The following CFAP58 variants were observed in gnomAD, a reference collection of about 807,000 sequenced individuals.
The protein encoded by CFAP58 is cilia and flagella associated protein 58, also known as cilia- and flagella-associated protein 58.
Under a neutral mutation model 119.5 loss-of-function variants are expected in CFAP58, and 88 were observed. That is an observed-to-expected ratio of 0.74 (90% CI 0.62 to 0.88). CFAP58 has a LOEUF of 0.88. Among genes scored for constraint, CFAP58 ranks in the 40% least tolerant of loss-of-function variants. CFAP58 has a pLI of 0.00. For missense variants in CFAP58, 990 were observed against 1,021.2 expected (o/e 0.97, Z 0.42); for synonymous variants, 365 against 366.3 (o/e 1.00, Z 0.04).
chr10:104,400,723 G>A lies in CFAP58; in HGVS notation c.1859G>A (p.Arg620His), dbSNP rs181614354. 848 of 1,614,064 alleles carry A rather than the reference G, an allele frequency of 5.3e-4. 5 individuals carry two copies. The highest frequency in any genetic ancestry group is 2.2e-4 in the South Asian group (20 of 91,074). ...RDILGSQLVR[R>H]NDELALLYEK... ...ATCCTGGGGTCTCAGCTTGTTCGGCGCAATGATGAGTTAGCTTTGCTCTAT... is the reference window on the plus strand; with the variant it reads ...ATCCTGGGGTCTCAGCTTGTTCGGCACAATGATGAGTTAGCTTTGCTCTAT... Residue 620 changes from arginine (R) to histidine (H), a missense_variant, in exon 13 of 18, where the codon CGC becomes CAC. Arg to His is a conservative substitution (Grantham distance 29, BLOSUM62 0). Coordinates refer to ENST00000369704, the MANE Select transcript of CFAP58 (RefSeq NM_001008723.2).
At chr10:104,428,734 C>T (rs1272973956) in intron 15 of CFAP58, among the ~76,000 whole-genome samples, 2 of 152,170 alleles carry the variant, frequency 1.3e-5, no homozygotes, top group African/African-American at 4.8e-5. Context: ...TGTTGATTCA[C>T]ATGCACACAC....
rs562203588 is a variant in CFAP58, at chr10:104,430,376, A to G, written c.2257-17322A>G. On this transcript the variant is annotated intron_variant, in intron 15 of 17. Coordinates refer to ENST00000369704, the MANE Select transcript of CFAP58 (RefSeq NM_001008723.2). Reference sequence around the variant, plus strand: ...TGATCCAGTGATAGTCCACGGGGCAACAGAAACACTAGGAGCCTGACAACA... The same window carrying G: ...TGATCCAGTGATAGTCCACGGGGCAGCAGAAACACTAGGAGCCTGACAACA... 3.9e-5 allele frequency among the ~76,000 whole-genome samples: 6 copies of G among 152,350 alleles called. No homozygotes were observed. In the South Asian group the frequency reaches 1.2e-3, roughly 32 times the overall value.
intron 15 of CFAP58, among the ~76,000 whole-genome samples, chr10:104,445,256 G>C (rs2013095515): frequency 6.6e-6 from 1 of 151,160 alleles, no homozygotes; most frequent in African/African-American, 2.4e-5. Flanking sequence ...CCAGGAGGTT[G>C]AGGCTGCAGT....
the CFAP58 span, among the ~76,000 whole-genome samples, chr10:104,343,497 T>A: frequency 2.6e-5 from 4 of 152,352 alleles, no homozygotes; most frequent in African/African-American, 9.6e-5. Flanking sequence ...GTAGGAATCA[T>A]TAGATTCTAC....
At chr10:104,450,027 G>T (rs777913060) in intron 16 of CFAP58, 44 bp from the exon 17 acceptor site, 1 of 1,562,690 alleles carries the variant, frequency 6.4e-7, no homozygotes, top group South Asian at 1.2e-5. Flanking sequence ...TCTCAGAAAA[G>T]GATATTGTAT....
In CFAP58 at chr10:104,380,106, G is replaced by A; in HGVS notation, c.1251G>A (p.Leu417=). 1.2e-6 allele frequency: 2 copies of A among 1,614,118 alleles called. No homozygotes were observed. The highest frequency in any genetic ancestry group is 1.7e-6 in the Non-Finnish European group (2 of 1,180,002). ...VKLHEQAKRN[L]EGEIQNYKDE... ...TCCATGAACAAGCCAAGAGGAACCT[G>A]GAGGGAGAAATCCAGAACTACAAGG... The change falls in exon 9 of 18, where the codon CTG becomes CTA. Residue 417 remains leucine, a synonymous_variant. Coordinates refer to ENST00000369704, the MANE Select transcript of CFAP58 (RefSeq NM_001008723.2).
At position 104,400,896 on chromosome 10, in the gene CFAP58, G is replaced by T; in HGVS notation, c.2032G>T (p.Glu678Ter). 6.2e-7 allele frequency: 1 copy of T among 1,613,358 alleles called. No homozygotes were observed. The highest frequency in any genetic ancestry group is 8.5e-7 in the Non-Finnish European group (1 of 1,179,414). Residue 678 changes from glutamate (E) to a stop codon, truncating the protein, a stop_gained, in exon 13 of 18, where the codon GAA becomes TAA. Transcript: ENST00000369704. LOFTEE classifies it high-confidence loss of function. Reference protein sequence around the residue: ...ILARSMANVEELRQEFFHMQR... With the variant: ...ILARSMANVE Reference sequence around the variant, plus strand: ...TGCCAGGAGTATGGCTAATGTTGAAGAACTCAGGTAATAGATTATAGAACT... The same window carrying T: ...TGCCAGGAGTATGGCTAATGTTGAATAACTCAGGTAATAGATTATAGAACT...
At chr10:104,356,492 T>A (rs1391798994) in intron 1 of CFAP58, among the ~76,000 whole-genome samples, 1 of 152,200 alleles carries the variant, frequency 6.6e-6, no homozygotes, top group East Asian at 1.9e-4. Context: ...AACATAATGT[T>A]GCAAACGTAA....
intron 15 of CFAP58, among the ~76,000 whole-genome samples, chr10:104,441,888 ACAT>A (rs1329464111): frequency 1.1e-4 from 16 of 152,210 alleles, no homozygotes; most frequent in African/African-American, 3.9e-4. Flanking sequence ...AGTTTAGCTG[ACAT>A]CTTCGTTATA....
At chr10:104,344,150 A>G in the CFAP58 span, among the ~76,000 whole-genome samples, 1 of 152,270 alleles carries the variant, frequency 6.6e-6, no homozygotes, top group Admixed American at 6.5e-5. Context: ...TGGCTTGGGA[A>G]AGAACAGTCA....
At chr10:104,393,802 T>TA (rs1182638384) in intron 11 of CFAP58, among the ~76,000 whole-genome samples, 2 of 152,218 alleles carry the variant, frequency 1.3e-5, no homozygotes, top group Non-Finnish European at 2.9e-5. Flanking sequence ...TCCTTGAACT[T>TA]ACAAGCTTGC....
intron 15 of CFAP58, among the ~76,000 whole-genome samples, chr10:104,427,011 G>A (rs1012105280): frequency 1.3e-5 from 2 of 152,224 alleles, no homozygotes; most frequent in East Asian, 3.8e-4. Flanking sequence ...GTTAACAGCA[G>A]AGTGAATGGC....
chr10:104,368,826 C>T (rs1026953460), intron 6 of CFAP58, among the ~76,000 whole-genome samples: 9 of 152,082 alleles, frequency 5.9e-5, no homozygotes, highest in African/African-American at 2.2e-4. Context: ...ATCTCTGTAA[C>T]TAGCTTTGCA....
intron 15 of CFAP58, among the ~76,000 whole-genome samples, chr10:104,433,598 A>T (rs1052765769): frequency 6.6e-6 from 1 of 152,154 alleles, no homozygotes; most frequent in African/African-American, 2.4e-5. Context: ...CATGAAGAGG[A>T]GCAGAGCCAG....
intron 2 of CFAP58, among the ~76,000 whole-genome samples, chr10:104,359,354 TAC>T (rs1174007139): frequency 7.9e-5 from 12 of 152,212 alleles, no homozygotes; most frequent in Non-Finnish European, 1.2e-4. Context: ...CCAAGACCAG[TAC>T]TAAATAACGA....
chr10:104,364,622 G>A (rs2014717635), intron 3 of CFAP58, 111 bp from the exon 4 acceptor site: 1 of 886,630 alleles, frequency 1.1e-6, no homozygotes, highest in Admixed American at 2.8e-5. Flanking sequence ...TGTCTGAATA[G>A]TGTTAATCAT....
intron 2 of CFAP58, among the ~76,000 whole-genome samples, chr10:104,359,566 G>A (rs112555577): frequency 0.028 from 4,336 of 152,322 alleles, 247 homozygotes; most frequent in African/African-American, 0.1. Flanking sequence ...ACTCTGGGAG[G>A]CCGAGGTGGG....
At chr10:104,356,084 C>T (rs973725798) in intron 1 of CFAP58, among the ~76,000 whole-genome samples, 1 of 152,200 alleles carries the variant, frequency 6.6e-6, no homozygotes, top group Non-Finnish European at 1.5e-5. Context: ...GGTTTTTCCT[C>T]CTTTGTGGAA....
At position 104,439,663 on chromosome 10, in the gene CFAP58, C is replaced by T. The variant is rs1488256377; in HGVS notation, c.2257-8035C>T. ...AGGGCTGCAATGAGTTGTGATTGTGCGACTGCAATCCAGCCTGGATAACAG... is the reference window on the plus strand; with the variant it reads ...AGGGCTGCAATGAGTTGTGATTGTGTGACTGCAATCCAGCCTGGATAACAG... On this transcript the variant is annotated intron_variant, in intron 15 of 17. Coordinates refer to ENST00000369704, the MANE Select transcript of CFAP58 (RefSeq NM_001008723.2). Among the ~76,000 whole-genome samples the T allele has an allele frequency of 4.0e-5, 6 of 151,872 alleles. 1 individual carries two copies. In the South Asian group the frequency reaches 1.0e-3, roughly 26 times the overall value.
Sources: allele counts gnomAD v4.1 joint callset (sites outside exome capture counted in the v4.1 genomes callset), GRCh38; gene constraint gnomAD v4.1.1; transcripts MANE v1.5; gene names NCBI Gene and HGNC (gene_info 2026-07-23, HGNC 2026-07-21).